Variants in GTF2E2 observed in about 807,000 individuals in gnomAD.
The protein encoded by GTF2E2 is general transcription factor IIE subunit 2.
A neutral mutation model predicts 40.5 loss-of-function variants in GTF2E2; 21 were observed. The ratio of observed to expected loss-of-function variants is 0.52; its 90% CI spans 0.37 to 0.75. GTF2E2 has a LOEUF of 0.75. Ranked by LOEUF, GTF2E2 falls within the 30% of genes least tolerant of loss-of-function variation. The pLI is 0.00. For missense variants in GTF2E2, 298 were observed against 338.4 expected (o/e 0.88, Z 0.94); for synonymous variants, 117 against 121.6 (o/e 0.96, Z 0.25).
intron 2 of GTF2E2, among the ~76,000 whole-genome samples, chr8:30,637,580 G>C (rs1447761537): frequency 1.3e-5 from 2 of 152,158 alleles, no homozygotes; most frequent in African/African-American, 4.8e-5. Flanking sequence ...CTGGAGAGCA[G>C]TGGTGTGATC....
intron 7 of GTF2E2, among the ~76,000 whole-genome samples, chr8:30,579,514 G>C (rs10503872): frequency 0.45 from 68,055 of 152,050 alleles, 15,213 homozygotes; most frequent in Middle Eastern, 0.55. Context: ...GACAATAATA[G>C]GAAATCATGA....
intron 6 of GTF2E2, among the ~76,000 whole-genome samples, chr8:30,599,755 T>A (rs1346296235): frequency 6.6e-6 from 1 of 152,028 alleles, no homozygotes; most frequent in Admixed American, 6.6e-5. Flanking sequence ...GAGGCCAAGG[T>A]GGGCAGATCA....
chr8:30,584,107 A>T (rs1451755433), intron 6 of GTF2E2, among the ~76,000 whole-genome samples: 1 of 151,898 alleles, frequency 6.6e-6, no homozygotes, highest in African/African-American at 2.4e-5. Context: ...TGCCCAGCCG[A>T]CGATCAGTAT....
At chr8:30,609,309 C>G (rs1829415851) in intron 5 of GTF2E2, among the ~76,000 whole-genome samples, 1 of 148,372 alleles carries the variant, frequency 6.7e-6, no homozygotes, top group Non-Finnish European at 1.5e-5. Flanking sequence ...GAAATACTCA[C>G]TGGAGCATTT....
At chr8:30,649,233 G>A (rs1410056003) in intron 2 of GTF2E2, among the ~76,000 whole-genome samples, 1 of 152,026 alleles carries the variant, frequency 6.6e-6, no homozygotes, top group Non-Finnish European at 1.5e-5. Flanking sequence ...CTTGTAGGAT[G>A]TGTAAAAAAT....
chr8:30,655,617 G>A (rs1223572666), intron 1 of GTF2E2, among the ~76,000 whole-genome samples: 2 of 152,180 alleles, frequency 1.3e-5, no homozygotes, highest in African/African-American at 4.8e-5. Flanking sequence ...GTGAGGCACT[G>A]TGCTCTAAGC....
At chr8:30,633,937 A>C (rs1201639503) in intron 3 of GTF2E2, among the ~76,000 whole-genome samples, 5 of 152,240 alleles carry the variant, frequency 3.3e-5, no homozygotes, top group African/African-American at 1.2e-4. Context: ...AAGTCTATTA[A>C]ATTACAAAAG....
At chr8:30,599,609 G>T (rs1465798198) in intron 6 of GTF2E2, among the ~76,000 whole-genome samples, 2 of 150,852 alleles carry the variant, frequency 1.3e-5, no homozygotes, top group Non-Finnish European at 3.0e-5. Context: ...TCCCATCTGT[G>T]GAGTTTGTAT....
chr8:30,651,503 C>T (rs1363659490), intron 2 of GTF2E2, among the ~76,000 whole-genome samples: 1 of 151,904 alleles, frequency 6.6e-6, no homozygotes, highest in African/African-American at 2.4e-5. Flanking sequence ...ACCTATAATC[C>T]CAACACTCTG....
At chr8:30,584,460 C>A (rs935060403) in intron 6 of GTF2E2, 4 of 152,032 alleles carry the variant, frequency 2.6e-5, no homozygotes, top group African/African-American at 7.2e-5. Flanking sequence ...CAGAAGACAG[C>A]CAAGTATCAT....
rs542662764 is a variant in GTF2E2 at position 30,654,302 on chromosome 8, A to T, written c.-4-700T>A. 2.6e-5 allele frequency among the ~76,000 whole-genome samples: 4 copies of T among 152,296 alleles called. No individual in the cohort carries two copies. In the South Asian group the frequency reaches 6.2e-4, roughly 24 times the overall value. On this transcript the variant is annotated intron_variant, in intron 1 of 7. Transcript: ENST00000355904. ...AAAAAACTATTTAATTACTAACGAG[A>T]TATTTTACATTAATTACATGTTGAA...
At chr8:30,637,523 ATTTTATTTTATTTT>A in intron 2 of GTF2E2, among the ~76,000 whole-genome samples, 1 of 13,528 alleles carries the variant, frequency 7.4e-5, no homozygotes, top group East Asian at 7.4e-4. Flanking sequence ...TATTTTATTT[ATTTTATTTTATTTT>A]ATTTGAGATG....
chr8:30,635,018 A>T lies in GTF2E2; in HGVS notation c.258+14T>A. The T allele has an allele frequency of 2.1e-6, 3 of 1,432,354 alleles. No individual in the cohort carries two copies. The highest frequency in any genetic ancestry group is 2.9e-6 in the Non-Finnish European group (3 of 1,025,674). 88.7% of individuals were successfully genotyped at this position (1,432,354 alleles called of 1,614,324 possible). On this transcript the variant is annotated intron_variant, in intron 3 of 7. Transcript: ENST00000355904. Reference sequence around the variant, plus strand: ...AGTTAAATAGGACTTTTGCTATCTGAGAAAAGTACTTACCTTCATGTAATT... The same window carrying T: ...AGTTAAATAGGACTTTTGCTATCTGTGAAAAGTACTTACCTTCATGTAATT...
intron 6 of GTF2E2, among the ~76,000 whole-genome samples, chr8:30,591,771 T>C (rs574544211): frequency 2.0e-5 from 3 of 152,326 alleles, no homozygotes; most frequent in Admixed American, 1.3e-4. Context: ...ATTCTACTCC[T>C]AGGTATATAC....
intron 6 of GTF2E2, among the ~76,000 whole-genome samples, chr8:30,594,080 G>A (rs534167455): frequency 1.3e-5 from 2 of 151,660 alleles, no homozygotes; most frequent in South Asian, 4.2e-4. Flanking sequence ...ACAGGCGCAT[G>A]CCACCACACT....
Position 30,614,664 on chromosome 8 carries a change from C to A in GTF2E2, c.310G>T (p.Asp104Tyr). 6.2e-7 allele frequency: 1 copy of A among 1,610,964 alleles called. No homozygotes were observed. The highest frequency in any genetic ancestry group is 8.5e-7 in the Non-Finnish European group (1 of 1,177,532). ...CCAATATCTAAATGTTGTGTTTCAT[C>A]CAAAATTTCATCTAAGGTTAGAGGA... ...THPLTLDEIL[D>Y]ETQHLDIGLK... Residue 104 changes from aspartate (D) to tyrosine (Y), a missense_variant, in exon 4 of 8, where the codon GAT becomes TAT. Physicochemically the swap from Asp to Tyr is radical, Grantham distance 160 (BLOSUM62 -3). Transcript: ENST00000355904.
chr8:30,598,464 A>G (rs1215278635), intron 6 of GTF2E2, among the ~76,000 whole-genome samples: 2 of 152,236 alleles, frequency 1.3e-5, no homozygotes, highest in African/African-American at 4.8e-5. Flanking sequence ...TTTTTAATTT[A>G]ACTAGTTCCT....
Position 30,583,544 on chromosome 8 carries a change from T to C in GTF2E2, c.644-3148A>G, listed in dbSNP as rs145259789. Among the ~76,000 whole-genome samples the C allele has an allele frequency of 5.2e-3, 798 of 152,054 alleles. 11 individuals carry two copies. The highest frequency in any genetic ancestry group is 0.018 in the African/African-American group (758 of 41,512). On this transcript the variant is annotated intron_variant, in intron 6 of 7. Transcript: ENST00000355904. ...ACAGGCACATACCACCACACCAGGC[T>C]AACTTTTGTATTTTTAGTAGAGACA...
intron 2 of GTF2E2, among the ~76,000 whole-genome samples, chr8:30,648,029 G>C (rs1298284666): frequency 6.6e-6 from 1 of 152,112 alleles, no homozygotes; most frequent in African/African-American, 2.4e-5. Context: ...GAACTCAAAG[G>C]TTATACAGTG....
Sources: gnomAD v4.1 joint callset for allele counts (sites outside exome capture counted in the v4.1 genomes callset) on GRCh38, gnomAD v4.1.1 for gene constraint, MANE v1.5 for transcripts, NCBI Gene and HGNC (gene_info 2026-07-23, HGNC 2026-07-21) for gene names.